RGS3: variants seen among roughly 807,000 people sequenced by gnomAD.
RGS3 encodes regulator of G protein signaling 3.
In RGS3, 80 loss-of-function variants were observed where a neutral mutation model predicts 132.6. That is an observed-to-expected ratio of 0.60 (90% CI 0.50 to 0.73). RGS3 has a LOEUF of 0.73. Ranked by LOEUF, RGS3 falls within the 30% of genes least tolerant of loss-of-function variation. The probability of loss-of-function intolerance (pLI) is 0.00; values close to 1 mark genes in which losing one functional copy is unlikely to be tolerated. For synonymous variants in RGS3, 598 were observed against 620.6 expected (o/e 0.96, Z 0.54); for missense variants, 1,382 against 1,530.8 (o/e 0.90, Z 1.62).
rs530422311 is a variant in RGS3, at chr9:113,506,659, A to G, written c.1085+166A>G. Reference sequence around the variant, plus strand: ...AAGGAATCTGTTTCTTGGCCTGAGAATGGAAGGTTCAGGCTCAGAGCACTT... The same window carrying G: ...AAGGAATCTGTTTCTTGGCCTGAGAGTGGAAGGTTCAGGCTCAGAGCACTT... On this transcript the variant is annotated intron_variant, in intron 12 of 24. Coordinates refer to ENST00000350696, the Ensembl canonical transcript of RGS3. This position sits in a 1 kb window ranked among gnomAD's most constrained non-coding sequence, Gnocchi z 4.7. Among the ~76,000 whole-genome samples the G allele has an allele frequency of 2.0e-5, 3 of 152,286 alleles. No homozygotes were observed. In the South Asian group the frequency reaches 6.2e-4, roughly 32 times the overall value.
chr9:113,463,821 C>G lies in RGS3; in HGVS notation c.415+1620C>G, dbSNP rs754033106. ...GGACGCCATGGAGCGCTCCCTGCAC[C>G]GCGTCTCCCTCGGGAGCCGGCGTGC... On this transcript the variant is annotated intron_variant, in intron 3 of 24. Coordinates refer to ENST00000350696, the Ensembl canonical transcript of RGS3. This position sits in a 1 kb window ranked among gnomAD's most constrained non-coding sequence, Gnocchi z 4.6. 2 of 1,612,748 alleles carry G rather than the reference C, an allele frequency of 1.2e-6. No homozygotes were observed. The highest frequency in any genetic ancestry group is 2.7e-5 in the African/African-American group (2 of 75,024).
chr9:113,572,363 C>T (rs1042840044), intron 19 of RGS3, among the ~76,000 whole-genome samples: 3 of 151,934 alleles, frequency 2.0e-5, no homozygotes, highest in Non-Finnish European at 2.9e-5. Flanking sequence ...CTGACATCAC[C>T]CCCAAGCAGA....
chr9:113,556,302 C>T (rs550338956), intron 19 of RGS3, among the ~76,000 whole-genome samples: 1 of 152,066 alleles, frequency 6.6e-6, no homozygotes, highest in African/African-American at 2.4e-5. Context: ...GTCTGAAGAC[C>T]CAAGTCTTCC....
chr9:113,491,958 T>C (rs1830535491), intron 7 of RGS3, among the ~76,000 whole-genome samples: 2 of 152,216 alleles, frequency 1.3e-5, no homozygotes, highest in African/African-American at 4.8e-5. Flanking sequence ...TCCTTTAATC[T>C]GTTTTATAAA....
At chr9:113,589,067 G>C (rs1835277044) in intron 20 of RGS3, 1 of 152,322 alleles carries the variant, frequency 6.6e-6, no homozygotes, top group Non-Finnish European at 1.5e-5. Flanking sequence ...ATTCTGCCTG[G>C]AGTGAAGGAA....
At chr9:113,468,284 C>A (rs960926453) in intron 3 of RGS3, among the ~76,000 whole-genome samples, 7 of 152,028 alleles carry the variant, frequency 4.6e-5, no homozygotes, top group Non-Finnish European at 1.0e-4. Flanking sequence ...TCCAGTTGTC[C>A]CAGTACCATT....
At chr9:113,527,107 T>C (rs1452306696) in intron 17 of RGS3, among the ~76,000 whole-genome samples, 14 of 152,228 alleles carry the variant, frequency 9.2e-5, no homozygotes, top group Admixed American at 8.5e-4. Flanking sequence ...CAGAGAAAGT[T>C]TGCAGTAATG....
intron 8 of RGS3, among the ~76,000 whole-genome samples, chr9:113,496,754 T>C (rs568291008): frequency 2.6e-5 from 4 of 152,278 alleles, no homozygotes; most frequent in Admixed American, 2.6e-4. Flanking sequence ...TTTCACCATG[T>C]TGGCCAGGCT....
intron 18 of RGS3, among the ~76,000 whole-genome samples, chr9:113,534,906 G>C (rs1832618335): frequency 6.6e-6 from 1 of 151,934 alleles, no homozygotes; most frequent in African/African-American, 2.4e-5. Flanking sequence ...GGGAGCCACT[G>C]TGACCAGCCT....
At chr9:113,572,202 G>A (rs889309592) in intron 19 of RGS3, among the ~76,000 whole-genome samples, 1 of 152,052 alleles carries the variant, frequency 6.6e-6, no homozygotes, top group African/African-American at 2.4e-5. Flanking sequence ...TTAGAGGATG[G>A]GACTTTATCC....
At chr9:113,461,662 C>A in intron 1 of RGS3, 1 of 1,579,988 alleles carries the variant, frequency 6.3e-7, no homozygotes, top group African/African-American at 1.3e-5. Flanking sequence ...GTTCCCATTA[C>A]CGGGTGTAAG....
chr9:113,515,087 C>T (rs1588185395), intron 15 of RGS3, among the ~76,000 whole-genome samples: 1 of 152,242 alleles, frequency 6.6e-6, no homozygotes, highest in East Asian at 1.9e-4. Context: ...ACAAGTTTGG[C>T]CTGTATTCAC....
At chr9:113,572,258 T>C (rs1402639005) in intron 19 of RGS3, among the ~76,000 whole-genome samples, 1 of 151,916 alleles carries the variant, frequency 6.6e-6, no homozygotes, top group Non-Finnish European at 1.5e-5. Context: ...ATAGGCAAGT[T>C]GGTGCAGGGC....
chr9:113,550,778 G>A (rs1356918059), intron 19 of RGS3, among the ~76,000 whole-genome samples: 1 of 152,042 alleles, frequency 6.6e-6, no homozygotes, highest in Non-Finnish European at 1.5e-5. Flanking sequence ...CCTCTTTTGG[G>A]AATAGCCTGT....
intron 20 of RGS3, among the ~76,000 whole-genome samples, chr9:113,587,591 C>T (rs138320000): frequency 7.9e-5 from 12 of 152,302 alleles, no homozygotes; most frequent in East Asian, 1.9e-4. Context: ...TGCTGCTGTG[C>T]GGATAAGCTG....
chr9:113,597,050 C>CCCT, exon 25 of RGS3: 2 of 1,086,748 alleles, frequency 1.8e-6, no homozygotes, highest in Non-Finnish European at 2.6e-6. Context: ...CAAGCAAGCC[C>CCCT]CCAGAGGCTG....
chr9:113,475,590 T>C (rs1012142809), intron 3 of RGS3, among the ~76,000 whole-genome samples: 2 of 152,038 alleles, frequency 1.3e-5, no homozygotes, highest in Non-Finnish European at 2.9e-5. Context: ...ATTAATTTTT[T>C]GTAGAGAAGG....
At chr9:113,560,168 TG>T in intron 19 of RGS3, among the ~76,000 whole-genome samples, 1 of 152,164 alleles carries the variant, frequency 6.6e-6, no homozygotes, top group East Asian at 1.9e-4. Context: ...TGAAGGGGCA[TG>T]GGACTGTCCA....
intron 19 of RGS3, chr9:113,581,856 A>G (rs766610188): frequency 1.6e-5 from 3 of 186,812 alleles, no homozygotes; most frequent in Non-Finnish European, 3.0e-5. Context: ...CAAGAAGGCC[A>G]CAGCATCAGC....
Sources: gnomAD v4.1 joint callset for allele counts (sites outside exome capture counted in the v4.1 genomes callset) on GRCh38, gnomAD v4.1.1 for gene constraint, Gnocchi (gnomAD v3.1) non-coding constraint, MANE v1.5 for transcripts, NCBI Gene and HGNC (gene_info 2026-07-23, HGNC 2026-07-21) for gene names.